IPO5: variants seen among roughly 807,000 people sequenced by gnomAD.
IPO5 encodes importin-5.
Under a neutral mutation model 143.3 loss-of-function variants are expected in IPO5, and 18 were observed. The ratio of observed to expected loss-of-function variants is 0.13; its 90% CI spans 0.09 to 0.19. The LOEUF is 0.19. Ranked by LOEUF, IPO5 falls within the 10% of genes least tolerant of loss-of-function variation. The probability of loss-of-function intolerance (pLI) is 1.00; values close to 1 mark genes in which losing one functional copy is unlikely to be tolerated. For synonymous variants in IPO5, 477 were observed against 465.7 expected (o/e 1.02, Z -0.31); for missense variants, 1,013 against 1,336.9 (o/e 0.76, Z 3.78).
chr13:98,000,390 C>T (rs369108587), intron 12 of IPO5, 149 bp from the exon 13 acceptor site: 26 of 552,672 alleles, frequency 4.7e-5, no homozygotes, highest in East Asian at 3.8e-4. Context: ...GAGTTTTTAA[C>T]CCCTAATTTC....
At position 97,999,423 on chromosome 13, in the gene IPO5, G is replaced by A. The variant is rs139232561; in HGVS notation, c.1002-1116G>A. Among the ~76,000 whole-genome samples the A allele has an allele frequency of 5.2e-3, 797 of 152,240 alleles. 9 individuals are homozygous for A. Among genetic ancestry groups the A allele is most frequent in the African/African-American group, 0.018 (757 of 41,542 alleles). On this transcript the variant is annotated intron_variant, in intron 12 of 28. Coordinates refer to ENST00000651721, the MANE Select transcript of IPO5 (RefSeq NM_002271.6). ...CAGTTACTGTAATGTGCTGCTACCT[G>A]TCCTTTCATTTGCCCTGCAAATGGC...
rs1306499961 is a variant in IPO5, at chr13:97,969,806, T to C, written c.-29T>C. 5.0e-6 allele frequency: 8 copies of C among 1,612,724 alleles called. No homozygotes were observed. The highest frequency in any genetic ancestry group is 2.2e-5 in the South Asian group (2 of 90,908). On this transcript the variant is annotated 5_prime_UTR_variant, in exon 3 of 29. Coordinates refer to ENST00000651721, the MANE Select transcript of IPO5 (RefSeq NM_002271.6). ...ATGCCTGAGGATCAAGTTGGAAAACTAGAAGCAACAGAAAACACAATAAGG... is the reference window on the plus strand; with the variant it reads ...ATGCCTGAGGATCAAGTTGGAAAACCAGAAGCAACAGAAAACACAATAAGG...
intron 11 of IPO5, among the ~76,000 whole-genome samples, chr13:97,994,613 T>G (rs1457869916): frequency 6.6e-6 from 1 of 152,230 alleles, no homozygotes; most frequent in East Asian, 1.9e-4. Context: ...TCTAGGGTTA[T>G]GATAGAACAA....
intron 21 of IPO5, 80 bp downstream of exon 21, chr13:98,012,422 T>G: frequency 2.4e-6 from 2 of 844,600 alleles, no homozygotes; most frequent in East Asian, 2.4e-5. Context: ...CAGTGTTGAC[T>G]GAAGTAGACT....
chr13:98,011,376 C>T (rs7989439), intron 20 of IPO5, among the ~76,000 whole-genome samples: 19,223 of 152,070 alleles, frequency 0.13, 3,206 homozygotes, highest in African/African-American at 0.38. Flanking sequence ...CTGCAGCCTC[C>T]GTCTCCTGGG....
chr13:97,954,753 C>T (rs771772882), intron 2 of IPO5, among the ~76,000 whole-genome samples: 3 of 152,148 alleles, frequency 2.0e-5, no homozygotes, highest in Non-Finnish European at 2.9e-5. Context: ...TTGTCAAATG[C>T]TAATGCCTTT....
rs1890570022 is a variant in IPO5 at position 98,022,734 on chromosome 13, T to G, written c.*912T>G. The G allele has an allele frequency of 6.6e-6, 1 of 152,264 alleles. No homozygotes were observed. Among genetic ancestry groups the G allele is most frequent in the African/African-American group, 2.4e-5 (1 of 41,460 alleles). The allele number at this position is 152,264 out of a possible 1,614,324, so 9.4% of individuals were successfully genotyped here. A position where few individuals can be genotyped will look rare whatever the true frequency, so the allele number is the denominator to read the frequency against. On this transcript the variant is annotated 3_prime_UTR_variant, in exon 29 of 29. Coordinates refer to ENST00000651721, the MANE Select transcript of IPO5 (RefSeq NM_002271.6). ...AAGGTTTGCAAATTTCAGCCAATTT[T>G]GTAGCTAAGATTGTTCTGATCAGCT...
intron 3 of IPO5, among the ~76,000 whole-genome samples, chr13:97,974,687 A>G (rs1249733141): frequency 2.0e-5 from 3 of 151,564 alleles, no homozygotes; most frequent in Non-Finnish European, 2.9e-5. Context: ...GACCCACAAA[A>G]AAAAAAAAAA....
In IPO5 at chr13:98,022,623, A is replaced by G. The variant is rs1176254828; in HGVS notation, c.*801A>G. ...TTTCCCCTAATATTTTCCTTGTGCA[A>G]TTCAGACTTAAGCATCGAGTTTTTA... On this transcript the variant is annotated 3_prime_UTR_variant, in exon 29 of 29. Coordinates refer to ENST00000651721, the MANE Select transcript of IPO5 (RefSeq NM_002271.6). 3 of 152,230 alleles carry G rather than the reference A, an allele frequency of 2.0e-5. No individual in the cohort carries two copies. Among genetic ancestry groups the G allele is most frequent in the Non-Finnish European group, 2.9e-5 (2 of 68,050 alleles). The allele number at this position is 152,230 out of a possible 1,614,324, so 9.4% of individuals were successfully genotyped here.
intron 13 of IPO5, among the ~76,000 whole-genome samples, chr13:98,001,216 A>C (rs1427804033): frequency 6.6e-6 from 1 of 152,118 alleles, no homozygotes; most frequent in Non-Finnish European, 1.5e-5. Flanking sequence ...TTACCTTTGT[A>C]CCTGTAATAT....
intron 3 of IPO5, among the ~76,000 whole-genome samples, chr13:97,971,458 T>C (rs1885820503): frequency 6.6e-6 from 1 of 152,228 alleles, no homozygotes; most frequent in Non-Finnish European, 1.5e-5. Context: ...CTGGCTCTTA[T>C]CTAGGCAACA....
At chr13:97,970,667 A>T (rs992927867) in intron 3 of IPO5, among the ~76,000 whole-genome samples, 1 of 152,152 alleles carries the variant, frequency 6.6e-6, no homozygotes, top group Admixed American at 6.6e-5. Flanking sequence ...GCCATATTTC[A>T]ATTGGTCAAC....
At chr13:97,969,267 T>C (rs9584734) in intron 2 of IPO5, among the ~76,000 whole-genome samples, 92,424 of 146,696 alleles carry the variant, frequency 0.63, 30,596 homozygotes, top group African/African-American at 0.86. Context: ...CCGCAAGCTC[T>C]GCCTCCCAGG....
At chr13:97,989,214 TA>T (rs1304293800) in intron 7 of IPO5, 50 bp downstream of exon 7, 1 of 975,548 alleles carries the variant, frequency 1.0e-6, no homozygotes, top group Non-Finnish European at 1.6e-6. Flanking sequence ...ATGAATGCCC[TA>T]AACACCTTTT....
chr13:97,956,342 C>G (rs186671791), intron 2 of IPO5, among the ~76,000 whole-genome samples: 16 of 152,156 alleles, frequency 1.1e-4, no homozygotes, highest in African/African-American at 3.9e-4. Context: ...AAAATGTTGT[C>G]AGTTATTATT....
intron 16 of IPO5, 73 bp from the exon 17 acceptor site, chr13:98,006,057 G>A (rs2139796117): frequency 5.1e-6 from 5 of 971,142 alleles, no homozygotes; most frequent in South Asian, 4.2e-5. Context: ...AGAACTTGAA[G>A]GGAGTAGTAA....
chr13:98,020,005 C>G, intron 27 of IPO5, 196 bp downstream of exon 27: 1 of 451,404 alleles, frequency 2.2e-6, no homozygotes, highest in Non-Finnish European at 3.9e-6. Context: ...ATAATAAGGT[C>G]TAATTTTGAG....
At chr13:97,969,652 G>C in intron 2 of IPO5, 71 bp from the exon 3 acceptor site, 1 of 716,586 alleles carries the variant, frequency 1.4e-6, no homozygotes, top group Non-Finnish European at 2.5e-6. Flanking sequence ...AATCAGATGT[G>C]ATTTTTAAGA....
At chr13:97,983,070 C>T (rs959597253) in intron 5 of IPO5, among the ~76,000 whole-genome samples, 3 of 152,094 alleles carry the variant, frequency 2.0e-5, no homozygotes, top group African/African-American at 7.2e-5. Flanking sequence ...GGGGTTTTGC[C>T]ATGTTGGCCA....
Sources: allele counts gnomAD v4.1 joint callset (sites outside exome capture counted in the v4.1 genomes callset), GRCh38; gene constraint gnomAD v4.1.1; transcripts MANE v1.5; gene names NCBI Gene and HGNC (gene_info 2026-07-23, HGNC 2026-07-21).